TINAG: variants seen among roughly 807,000 people sequenced by gnomAD.
The protein encoded by TINAG is tubulointerstitial nephritis antigen.
In TINAG, 83 loss-of-function variants were observed where a neutral mutation model predicts 72.7. The observed-to-expected ratio is 1.14, with a 90% confidence interval of 0.96 to 1.37. TINAG has a LOEUF of 1.37. Among genes scored for constraint, TINAG ranks in the 40% most tolerant of loss-of-function variants. The pLI, the probability that TINAG is intolerant of heterozygous loss-of-function variation, is 0.00. For synonymous variants in TINAG, 234 were observed against 189.9 expected (o/e 1.23, Z -1.91); for missense variants, 685 against 576.6 (o/e 1.19, Z -1.93).
chr6:54,358,009 C>G (rs1470985144), intron 9 of TINAG, among the ~76,000 whole-genome samples: 2 of 151,838 alleles, frequency 1.3e-5, no homozygotes, highest in Non-Finnish European at 2.9e-5. Context: ...ATCTCAACTC[C>G]TACCCATCTG....
chr6:54,375,478 A>G (rs982210021), intron 9 of TINAG, among the ~76,000 whole-genome samples: 3 of 152,164 alleles, frequency 2.0e-5, no homozygotes, highest in Admixed American at 6.6e-5. Flanking sequence ...AGTAGTGCAC[A>G]TTTGATGTAC....
chr6:54,341,826 T>C (rs1414201912), intron 4 of TINAG, among the ~76,000 whole-genome samples: 1 of 152,152 alleles, frequency 6.6e-6, no homozygotes, highest in Non-Finnish European at 1.5e-5. Context: ...ACTATAGAAA[T>C]GAAGCAGTTA....
intron 3 of TINAG, among the ~76,000 whole-genome samples, chr6:54,326,487 T>A (rs1027773140): frequency 2.6e-5 from 4 of 152,116 alleles, no homozygotes; most frequent in African/African-American, 7.2e-5. Flanking sequence ...CTTTCTAAGA[T>A]GCATTTAATG....
chr6:54,370,681 A>G (rs1373172857), intron 9 of TINAG, among the ~76,000 whole-genome samples: 1 of 152,062 alleles, frequency 6.6e-6, no homozygotes, highest in Non-Finnish European at 1.5e-5. Context: ...GAGAGGTCCC[A>G]CAGGACTGTT....
At position 54,354,650 on chromosome 6, in the gene TINAG, A is replaced by G; in HGVS notation, c.1250+14A>G. On this transcript the variant is annotated intron_variant, in intron 9 of 10. Transcript: ENST00000259782. ...CAAACTCACTGGGTAAGGCAATTAAACAAAATTCATTTAATTCTTTTGGAA... is the reference window on the plus strand; with the variant it reads ...CAAACTCACTGGGTAAGGCAATTAAGCAAAATTCATTTAATTCTTTTGGAA... 1 of 1,600,706 alleles carries G rather than the reference A, an allele frequency of 6.2e-7. No individual in the cohort carries two copies. Among genetic ancestry groups the G allele is most frequent in the Non-Finnish European group, 8.5e-7 (1 of 1,175,098 alleles).
intron 1 of TINAG, among the ~76,000 whole-genome samples, chr6:54,315,514 T>TA (rs1027377299): frequency 6.6e-6 from 1 of 150,532 alleles, no homozygotes; most frequent in African/African-American, 2.4e-5. Flanking sequence ...CCAACAACAA[T>TA]AAAAAAAATA....
chr6:54,313,315 A>G (rs1473662401), intron 1 of TINAG, among the ~76,000 whole-genome samples: 2 of 152,134 alleles, frequency 1.3e-5, no homozygotes, highest in Non-Finnish European at 2.9e-5. Context: ...TATTCCTGTT[A>G]TTTAAATATA....
chr6:54,329,411 G>C (rs1331662643), intron 4 of TINAG, among the ~76,000 whole-genome samples: 3 of 152,114 alleles, frequency 2.0e-5, no homozygotes, highest in Non-Finnish European at 4.4e-5. Context: ...ATCCTTTACA[G>C]ACAAGCAAAT....
At chr6:54,364,735 C>T (rs1763352803) in intron 9 of TINAG, among the ~76,000 whole-genome samples, 1 of 151,140 alleles carries the variant, frequency 6.6e-6, no homozygotes, top group Admixed American at 6.6e-5. Context: ...AATAAGTTAC[C>T]ATACTTTGTA....
At chr6:54,352,437 T>G (rs1159117742) in intron 8 of TINAG, among the ~76,000 whole-genome samples, 1 of 151,808 alleles carries the variant, frequency 6.6e-6, no homozygotes, top group East Asian at 1.9e-4. Flanking sequence ...TATGGGAAAA[T>G]TATGGGACAT....
chr6:54,372,530 G>A (rs1299650097), intron 9 of TINAG, among the ~76,000 whole-genome samples: 2 of 151,866 alleles, frequency 1.3e-5, no homozygotes, highest in African/African-American at 4.8e-5. Flanking sequence ...GGGGTGAAGG[G>A]AGAGGACATC....
At chr6:54,363,197 T>G (rs1387975178) in intron 9 of TINAG, among the ~76,000 whole-genome samples, 1 of 151,600 alleles carries the variant, frequency 6.6e-6, no homozygotes, top group East Asian at 1.9e-4. Flanking sequence ...GTAGACTATA[T>G]CACAGATTTT....
In TINAG at chr6:54,347,401, G is replaced by C; in HGVS notation, c.783G>C (p.Lys261Asn). The C allele has an allele frequency of 6.2e-7, 1 of 1,613,154 alleles. No homozygotes were observed. The highest frequency in any genetic ancestry group is 2.2e-5 in the East Asian group (1 of 44,772). ...CTGACCGAATAGCAATTCAGTCTAAGGGTCGATACACGGCCAATCTATCCC... is the reference window on the plus strand; with the variant it reads ...CTGACCGAATAGCAATTCAGTCTAACGGTCGATACACGGCCAATCTATCCC... ...VAADRIAIQS[K>N]GRYTANLSPQ... is the part of the protein sequence containing the mutation. The change falls in exon 6 of 11, where the codon AAG becomes AAC. Residue 261 changes from lysine to asparagine, a missense_variant. By Grantham distance (94) the Lys-to-Asn change is moderately conservative. Coordinates refer to ENST00000259782, the MANE Select transcript of TINAG (RefSeq NM_014464.4).
intron 10 of TINAG, among the ~76,000 whole-genome samples, chr6:54,385,016 G>A (rs933189910): frequency 5.9e-5 from 9 of 152,092 alleles, no homozygotes; most frequent in African/African-American, 2.2e-4. Context: ...TTTAGCTAAA[G>A]CACTACTGAA....
intron 3 of TINAG, among the ~76,000 whole-genome samples, chr6:54,323,577 T>C (rs1784539698): frequency 6.6e-6 from 1 of 152,250 alleles, no homozygotes; most frequent in Non-Finnish European, 1.5e-5. Context: ...TCAGTGCTTA[T>C]TTATTCTCTG....
chr6:54,342,568 C>G lies in TINAG; in HGVS notation c.625-658C>G, dbSNP rs538819726. On this transcript the variant is annotated intron_variant, in intron 4 of 10. Coordinates refer to ENST00000259782, the MANE Select transcript of TINAG (RefSeq NM_014464.4). ...TATTTTTAGTAAAGACGGGTTTTCA[C>G]CATGTTGGCCAGGCTGGTCTCGAAC... Among the ~76,000 whole-genome samples, 19 of 152,152 alleles carry G rather than the reference C, an allele frequency of 1.2e-4. No individual in the cohort carries two copies. The East Asian group carries it at 3.5e-3, about 28-fold the overall frequency.
intron 9 of TINAG, among the ~76,000 whole-genome samples, chr6:54,376,653 TA>T (rs35365984): frequency 6.6e-6 from 1 of 152,164 alleles, no homozygotes; most frequent in Non-Finnish European, 1.5e-5. Flanking sequence ...CATAGTTATC[TA>T]AAAAGAACAA....
At chr6:54,376,375 G>A (rs771133213) in intron 9 of TINAG, among the ~76,000 whole-genome samples, 1 of 152,060 alleles carries the variant, frequency 6.6e-6, no homozygotes, top group Non-Finnish European at 1.5e-5. Flanking sequence ...ACTAACAGGT[G>A]TAGTATACAA....
At chr6:54,377,431 G>C (rs1392413192) in intron 9 of TINAG, among the ~76,000 whole-genome samples, 1 of 152,100 alleles carries the variant, frequency 6.6e-6, no homozygotes, top group African/African-American at 2.4e-5. Context: ...AGAATCGCTG[G>C]AACCTGGGAG....
Sources: gnomAD v4.1 joint callset for allele counts (sites outside exome capture counted in the v4.1 genomes callset) on GRCh38, gnomAD v4.1.1 for gene constraint, MANE v1.5 for transcripts, NCBI Gene and HGNC (gene_info 2026-07-23, HGNC 2026-07-21) for gene names.